The following EIF3L variants were observed in gnomAD, a reference collection of about 807,000 sequenced individuals.
EIF3L encodes eIEF associated protein HSPC021.
In EIF3L, 32 loss-of-function variants were observed where a neutral mutation model predicts 74.6. The ratio of observed to expected loss-of-function variants is 0.43; its 90% CI spans 0.32 to 0.58. The LOEUF (loss-of-function observed/expected upper bound fraction) is 0.58. EIF3L is among the 20% of genes least tolerant of loss of function. EIF3L has a pLI of 0.06. For missense variants in EIF3L, 474 were observed against 707.8 expected (o/e 0.67, Z 3.75); for synonymous variants, 256 against 254.4 (o/e 1.01, Z -0.06).
chr22:37,863,221 A>G (rs1328734497), intron 6 of EIF3L, 51 bp from the exon 7 acceptor site: 1 of 1,501,342 alleles, frequency 6.7e-7, no homozygotes. Flanking sequence ...AGCCTACAGA[A>G]TGGGCAGAGT....
intron 7 of EIF3L, among the ~76,000 whole-genome samples, chr22:37,868,013 A>T (rs191137896): frequency 6.6e-5 from 10 of 151,036 alleles, no homozygotes; most frequent in Admixed American, 6.6e-4. Context: ...TCCCATATTA[A>T]TTGTCAATTT....
intron 7 of EIF3L, 23 bp downstream of exon 7, chr22:37,863,368 A>C: frequency 5.7e-6 from 9 of 1,581,256 alleles, no homozygotes; most frequent in Non-Finnish European, 7.8e-6. Flanking sequence ...CTTCAGCCTA[A>C]TTTGAAATAA....
At chr22:37,863,888 AC>A (rs1159996006) in intron 7 of EIF3L, among the ~76,000 whole-genome samples, 2 of 151,802 alleles carry the variant, frequency 1.3e-5, no homozygotes, top group Admixed American at 6.6e-5. Flanking sequence ...ACACGGTGAA[AC>A]CCCGTCTCTA....
intron 7 of EIF3L, among the ~76,000 whole-genome samples, chr22:37,867,656 CAAA>C (rs59463385): frequency 8.7e-5 from 9 of 103,232 alleles, no homozygotes; most frequent in Admixed American, 2.1e-4. Flanking sequence ...GATTCCGTCT[CAAA>C]AAAAAAAAAA....
chr22:37,887,304 CAAG>C (rs1446243114), intron 12 of EIF3L: 1 of 141,194 alleles, frequency 7.1e-6, no homozygotes, highest in Non-Finnish European at 1.5e-5. Context: ...GACCCTGTCT[CAAG>C]AAAAAAAAAA....
chr22:37,878,156 C>T lies in EIF3L; in HGVS notation c.1560C>T (p.Asp520=). 3 of 1,608,638 alleles carry T rather than the reference C, an allele frequency of 1.9e-6. No homozygotes were observed. Among genetic ancestry groups the T allele is most frequent in the Non-Finnish European group, 8.5e-7 (1 of 1,176,498 alleles). Residue 520 remains aspartate (D), a synonymous_variant, in exon 11 of 13, where the codon GAC becomes GAT. Transcript: ENST00000652021. ...AATTTCAGTCAGCCTCAGAGGTTGA[C>T]TTCTACATTGATAAGGTATGCCTGT... ...DGEFQSASEV[D]FYIDKDMIHI... is the part of the protein sequence containing the mutation.
chr22:37,870,919 G>C (rs1907074588), intron 8 of EIF3L, among the ~76,000 whole-genome samples: 1 of 152,028 alleles, frequency 6.6e-6, no homozygotes, highest in African/African-American at 2.4e-5. Context: ...GAGTCCAGGA[G>C]TTTGAGACCA....
intron 5 of EIF3L, 145 bp from the exon 6 acceptor site, chr22:37,862,824 C>G (rs1435792967): frequency 1.7e-6 from 1 of 605,074 alleles, no homozygotes; most frequent in Non-Finnish European, 2.8e-6. Flanking sequence ...TTTCTATCTT[C>G]CCTCTCACTT....
intron 11 of EIF3L, chr22:37,878,451 A>G (rs545747877): frequency 2.1e-4 from 55 of 260,868 alleles, no homozygotes; most frequent in Admixed American, 4.4e-4. Flanking sequence ...AGAGATAAAC[A>G]ATAGATGGTT....
Position 37,850,022 on chromosome 22 carries a change from A to C in EIF3L, c.41A>C (p.Tyr14Ser). 2 of 1,613,748 alleles carry C rather than the reference A, an allele frequency of 1.2e-6. No homozygotes were observed. Among genetic ancestry groups the C allele is most frequent in the Non-Finnish European group, 1.7e-6 (2 of 1,179,818 alleles). Residue 14 changes from tyrosine (Y) to serine (S), a missense_variant, in exon 2 of 13, where the codon TAT (tyrosine) becomes TCT (serine). Coordinates refer to ENST00000652021, the MANE Select transcript of EIF3L (RefSeq NM_016091.4). ...GTGTCTCTTTCCTTCTAGGCGGCTT[A>C]TGACCCCTACGCTTATCCCAGCGAC... is the stretch of plus-strand genomic sequence containing the variant. ...PADDYESEAA[Y>S]DPYAYPSDYD...
intron 11 of EIF3L, chr22:37,881,583 A>G (rs1471065413): frequency 6.6e-6 from 1 of 151,774 alleles, no homozygotes; most frequent in African/African-American, 2.4e-5. Flanking sequence ...CTAATTTTGT[A>G]TTTTTAGTAG....
Position 37,874,527 on chromosome 22 carries a change from G to A in EIF3L, c.906+3G>A. 1 of 1,613,062 alleles carries A rather than the reference G, an allele frequency of 6.2e-7. No individual in the cohort carries two copies. The highest frequency in any genetic ancestry group is 2.2e-5 in the East Asian group (1 of 44,840). On this transcript the variant is annotated splice_donor_region_variant and intron_variant, in intron 9 of 12. Coordinates refer to ENST00000652021, the MANE Select transcript of EIF3L (RefSeq NM_016091.4). ...AGAACATCGAACTGAACAAGAAGGT[G>A]ATGCCTATTGCCTCTGGCCCCTCTT...
At chr22:37,872,853 T>C (rs1168285197) in intron 8 of EIF3L, among the ~76,000 whole-genome samples, 2 of 152,050 alleles carry the variant, frequency 1.3e-5, no homozygotes, top group Non-Finnish European at 2.9e-5. Context: ...CTTGAACTCA[T>C]GGGATTTCAT....
chr22:37,858,787 ACT>A (rs1925683850), intron 5 of EIF3L, 47 bp downstream of exon 5: 2 of 1,518,292 alleles, frequency 1.3e-6, no homozygotes, highest in Non-Finnish European at 1.8e-6. Context: ...TGTTTTTTTA[ACT>A]CTGTGCTGTT....
intron 7 of EIF3L, among the ~76,000 whole-genome samples, chr22:37,868,176 A>T (rs1286464974): frequency 1.6e-4 from 22 of 133,466 alleles, no homozygotes; most frequent in African/African-American, 6.0e-4. Context: ...GTGCAGTGGC[A>T]TGATCTCTGC....
At chr22:37,854,811 A>G (rs1174217407) in intron 3 of EIF3L, among the ~76,000 whole-genome samples, 3 of 150,788 alleles carry the variant, frequency 2.0e-5, no homozygotes, top group Non-Finnish European at 4.4e-5. Flanking sequence ...TTTCTCCCCA[A>G]CCCCCATCCC....
chr22:37,861,421 T>G (rs1231165605), intron 5 of EIF3L, among the ~76,000 whole-genome samples: 1 of 152,146 alleles, frequency 6.6e-6, no homozygotes. Flanking sequence ...CGCTGTGGCT[T>G]ACGCCTGTAA....
intron 7 of EIF3L, among the ~76,000 whole-genome samples, chr22:37,865,017 G>A (rs1394582795): frequency 1.3e-5 from 2 of 152,212 alleles, no homozygotes; most frequent in East Asian, 3.8e-4. Flanking sequence ...TGTTGATTGT[G>A]ATGATGTTCA....
chr22:37,859,296 TC>T (rs1188059952), intron 5 of EIF3L, among the ~76,000 whole-genome samples: 2 of 151,572 alleles, frequency 1.3e-5, no homozygotes. Flanking sequence ...ACACCAGTAT[TC>T]TACACATTAT....
Sources: allele counts gnomAD v4.1 joint callset (sites outside exome capture counted in the v4.1 genomes callset), GRCh38; gene constraint gnomAD v4.1.1; transcripts MANE v1.5; gene names NCBI Gene and HGNC (gene_info 2026-07-23, HGNC 2026-07-21).